Variants in PLCG2 observed in about 807,000 individuals in gnomAD.
The protein encoded by PLCG2 is 1-phosphatidylinositol 4,5-bisphosphate phosphodiesterase gamma-2.
In PLCG2, 69 loss-of-function variants were observed where a neutral mutation model predicts 175.6. The ratio of observed to expected loss-of-function variants is 0.39; its 90% confidence interval spans 0.32 to 0.48. The LOEUF is 0.48. PLCG2 is among the 20% of genes least tolerant of loss of function. PLCG2 has a pLI of 0.91. For missense variants in PLCG2, 1,798 were observed against 1,650.9 expected, an observed-to-expected ratio of 1.09 and a Z score of -1.54; for synonymous variants, 827 against 624.0, an observed-to-expected ratio of 1.33 and a Z score of -4.85.
At chr16:81,943,499 G>C (rs1288208195) in intron 30 of PLCG2, among the ~76,000 whole-genome samples, 1 of 152,162 alleles carries the variant, frequency 6.6e-6, no homozygotes, top group Non-Finnish European at 1.5e-5. Flanking sequence ...CCCGGCCCCA[G>C]CTCCAACAGT....
rs532678378 is a variant in PLCG2 at position 81,786,146 on chromosome 16, G to A, written c.157G>A (p.Ala53Thr). 26 of 1,614,058 alleles carry A rather than the reference G, an allele frequency of 1.6e-5. No homozygotes were observed. The highest frequency in any genetic ancestry group is 1.9e-5 in the Non-Finnish European group (23 of 1,180,036). The change falls in exon 2 of 33, where the codon GCC becomes ACC. Residue 53 changes from alanine to threonine, a missense_variant. Physicochemically the swap from Ala to Thr is moderately conservative, Grantham distance 58 (BLOSUM62 0). Transcript: ENST00000564138. ...VQVIMETRQV[A>T]WSKTADKIEG... ...GGTGATCATGGAGACGCGGCAGGTG[G>A]CCTGGAGCAAGACCGCTGACAAGAT...
At chr16:81,867,931 C>A (rs1907325068) in intron 5 of PLCG2, among the ~76,000 whole-genome samples, 1 of 152,168 alleles carries the variant, frequency 6.6e-6, no homozygotes, top group South Asian at 2.1e-4. Flanking sequence ...GATCCTCTGA[C>A]CTCGTGATCC....
chr16:81,761,823 C>T (rs933575968), intron 2 of PLCG2, among the ~76,000 whole-genome samples: 3 of 150,036 alleles, frequency 2.0e-5, no homozygotes, highest in African/African-American at 7.5e-5. Flanking sequence ...TGATTTCACC[C>T]TGCACATTTT....
At chr16:81,836,638 G>A (rs950438543) in intron 2 of PLCG2, among the ~76,000 whole-genome samples, 8 of 152,190 alleles carry the variant, frequency 5.3e-5, no homozygotes, top group Admixed American at 3.3e-4. Flanking sequence ...CTCCTTAGGA[G>A]ACTGAGGCAG....
chr16:81,895,668 A>T (rs1371959864), intron 12 of PLCG2, 139 bp from the exon 13 acceptor site: 6 of 862,908 alleles, frequency 7.0e-6, no homozygotes, highest in Non-Finnish European at 9.2e-6. Context: ...AGGGAAAGCC[A>T]TGTCCTCGTG....
At chr16:81,914,586 A>C (rs1196955172) in intron 19 of PLCG2, among the ~76,000 whole-genome samples, 1 of 152,046 alleles carries the variant, frequency 6.6e-6, no homozygotes, top group Non-Finnish European at 1.5e-5. Context: ...TATTTTTTAG[A>C]AGTTAATAGA....
chr16:81,945,464 A>G (rs1020297306), intron 30 of PLCG2, among the ~76,000 whole-genome samples: 3 of 152,382 alleles, frequency 2.0e-5, no homozygotes, highest in East Asian at 1.9e-4. Flanking sequence ...CTTTTAGGAC[A>G]GAGAGGAGGA....
chr16:81,956,251 G>T (rs574614705), intron 31 of PLCG2, among the ~76,000 whole-genome samples: 3 of 152,270 alleles, frequency 2.0e-5, no homozygotes, highest in African/African-American at 4.8e-5. Context: ...GCCCTTAAAA[G>T]ATTTTAAATT....
chr16:81,819,092 G>A (rs1275385152), intron 2 of PLCG2, among the ~76,000 whole-genome samples: 2 of 152,032 alleles, frequency 1.3e-5, no homozygotes, highest in African/African-American at 2.4e-5. Context: ...TCTACACAGC[G>A]GGGCATGGCA....
At chr16:81,848,190 C>G (rs1473055257) in intron 2 of PLCG2, among the ~76,000 whole-genome samples, 1 of 152,196 alleles carries the variant, frequency 6.6e-6, no homozygotes, top group African/African-American at 2.4e-5. Flanking sequence ...ATATCATCAA[C>G]TGATCTTTGA....
In PLCG2 at chr16:81,946,327, C is replaced by T; in HGVS notation, c.3570+64C>T. 7 of 1,144,112 alleles carry T rather than the reference C, an allele frequency of 6.1e-6. No homozygotes were observed. In the South Asian group the frequency reaches 7.3e-5, roughly 12 times the overall value. The allele number at this position is 1,144,112 out of a possible 1,614,324, so 70.9% of individuals were successfully genotyped here. ...TGCCTGCTGGTGAGGGTAGAAACGGCCCGTGAATACAATTGGCAGATGGAC... is the reference window on the plus strand; with the variant it reads ...TGCCTGCTGGTGAGGGTAGAAACGGTCCGTGAATACAATTGGCAGATGGAC... On this transcript the variant is annotated intron_variant, in intron 31 of 32. Transcript: ENST00000564138.
intron 5 of PLCG2, among the ~76,000 whole-genome samples, chr16:81,868,226 A>G (rs992155961): frequency 6.6e-6 from 1 of 152,180 alleles, no homozygotes; most frequent in Non-Finnish European, 1.5e-5. Flanking sequence ...GTGAACAATT[A>G]GGCAACTTTA....
At chr16:81,761,646 G>A (rs1910043765) in intron 2 of PLCG2, among the ~76,000 whole-genome samples, 1 of 152,122 alleles carries the variant, frequency 6.6e-6, no homozygotes, top group Admixed American at 6.5e-5. Context: ...TTGGGCTGAG[G>A]ATGGGATGAG....
Position 81,934,426 on chromosome 16 carries a change from CAGG to C in PLCG2, c.2740_2742del (p.Glu914del). On this transcript the variant is annotated splice_acceptor_variant and coding_sequence_variant, in exon 26 of 33. Coordinates refer to ENST00000564138, the MANE Select transcript of PLCG2 (RefSeq NM_002661.5). LOFTEE classifies it high-confidence loss of function. ...GGCACTAAAGACAGTGAACTCCAAA[CAGG>C]AGAACAACATGAAGTACTGGGAGAA... is the stretch of plus-strand genomic sequence containing the variant. 6.3e-7 allele frequency: 1 copy of C among 1,598,864 alleles called. No homozygotes were observed. The highest frequency in any genetic ancestry group is 8.6e-7 in the Non-Finnish European group (1 of 1,166,568).
At chr16:81,851,296 G>A (rs145135545) in intron 2 of PLCG2, among the ~76,000 whole-genome samples, 2 of 152,312 alleles carry the variant, frequency 1.3e-5, no homozygotes, top group East Asian at 3.9e-4. Flanking sequence ...TCAAAACCTG[G>A]ACATGGTCGC....
intron 4 of PLCG2, 38 bp from the exon 5 acceptor site, chr16:81,859,076 TTC>T (rs768828499): frequency 7.7e-7 from 1 of 1,300,462 alleles, no homozygotes; most frequent in African/African-American, 1.5e-5. Context: ...TTTTCTAATT[TTC>T]TCTTTCTCTC....
At chr16:81,808,438 A>C (rs1034853255) in intron 2 of PLCG2, among the ~76,000 whole-genome samples, 2 of 152,198 alleles carry the variant, frequency 1.3e-5, no homozygotes, top group African/African-American at 4.8e-5. Context: ...AGCCCACAGC[A>C]CTGAGTTTGA....
chr16:81,907,347 G>C (rs541155391), intron 15 of PLCG2, among the ~76,000 whole-genome samples: 1 of 151,858 alleles, frequency 6.6e-6, no homozygotes, highest in Admixed American at 6.5e-5. Context: ...AATATTGAAC[G>C]TAAGGTCTCC....
rs569636742 is a variant in PLCG2 at position 81,897,957 on chromosome 16, A to G, written c.1193+2030A>G. 654 of 432,542 alleles carry G rather than the reference A, an allele frequency of 1.5e-3. 8 individuals carry two copies. The highest frequency in any genetic ancestry group is 4.6e-3 in the South Asian group (278 of 60,066). The allele number at this position is 432,542 out of a possible 1,614,324, so 26.8% of individuals were successfully genotyped here. A position where few individuals can be genotyped will look rare whatever the true frequency, so the allele number is the denominator to read the frequency against. ...TTTCGCACTTGGTGAAAACCTTTCA[A>G]TGAAGGCATATGATTTCTCCATCGC... is the stretch of plus-strand genomic sequence containing the variant. On this transcript the variant is annotated intron_variant, in intron 13 of 32. Transcript: ENST00000564138.
Sources: allele counts gnomAD v4.1 joint callset (sites outside exome capture counted in the v4.1 genomes callset), GRCh38; gene constraint gnomAD v4.1.1; transcripts MANE v1.5; gene names NCBI Gene and HGNC (gene_info 2026-07-23, HGNC 2026-07-21).